The following MACROD2 variants were observed in gnomAD, a reference collection of about 807,000 sequenced individuals.
The protein encoded by MACROD2 is ADP-ribose glycohydrolase MACROD2.
MACROD2 carries 36 observed loss-of-function variants against 70.4 expected under a neutral mutation model. That is an observed-to-expected ratio of 0.51 (90% CI 0.39 to 0.68). The LOEUF (loss-of-function observed/expected upper bound fraction) is 0.68. MACROD2 is among the 30% of genes least tolerant of loss of function. The probability of loss-of-function intolerance (pLI) is 0.00; values close to 1 mark genes in which losing one functional copy is unlikely to be tolerated. For missense variants in MACROD2, 496 were observed against 538.4 expected (o/e 0.92, Z 0.78); for synonymous variants, 172 against 178.8 (o/e 0.96, Z 0.30).
intron 8 of MACROD2, among the ~76,000 whole-genome samples, chr20:15,638,313 A>G (rs1170958111): frequency 1.3e-5 from 2 of 152,216 alleles, no homozygotes; most frequent in Non-Finnish European, 2.9e-5. Flanking sequence ...CTCAATAGAA[A>G]TGGAAACCAG....
intron 6 of MACROD2, among the ~76,000 whole-genome samples, chr20:15,243,141 A>C (rs1406306225): frequency 1.3e-5 from 2 of 152,114 alleles, no homozygotes; most frequent in Admixed American, 6.5e-5. Flanking sequence ...AGTCAAGGGT[A>C]ATTTCTGGAG....
chr20:15,514,140 A>G lies in MACROD2; in HGVS notation c.645+14293A>G, dbSNP rs1268076132. ...ATTACAAGAGTCAAAAGTTTAAAAA[A>G]TAAAAAATACAATAAGTTAAAGTTA... On this transcript the variant is annotated intron_variant, in intron 8 of 17. Coordinates refer to ENST00000684519, the MANE Select transcript of MACROD2 (RefSeq NM_001351661.2). Among the ~76,000 whole-genome samples the G allele has an allele frequency of 4.6e-5, 7 of 152,404 alleles. No individual in the cohort carries two copies. In the East Asian group the frequency reaches 1.3e-3, roughly 29 times the overall value.
At chr20:15,748,915 T>C (rs958890324) in intron 8 of MACROD2, among the ~76,000 whole-genome samples, 1 of 151,394 alleles carries the variant, frequency 6.6e-6, no homozygotes. Flanking sequence ...TTGCCAGCCA[T>C]GTAACTTTGG....
At chr20:15,713,529 G>A (rs893702839) in intron 8 of MACROD2, among the ~76,000 whole-genome samples, 7 of 136,128 alleles carry the variant, frequency 5.1e-5, no homozygotes, top group Admixed American at 7.7e-5. Context: ...TCTTCACCTC[G>A]ATGGCAGGAG....
At chr20:15,766,864 T>C (rs2051536008) in intron 8 of MACROD2, among the ~76,000 whole-genome samples, 1 of 152,242 alleles carries the variant, frequency 6.6e-6, no homozygotes, top group South Asian at 2.1e-4. Flanking sequence ...GCGGGGTCTC[T>C]ATCCTCAACT....
intron 3 of MACROD2, among the ~76,000 whole-genome samples, chr20:14,299,774 T>C (rs1469567740): frequency 6.6e-6 from 1 of 152,174 alleles, no homozygotes; most frequent in African/African-American, 2.4e-5. Context: ...ATAAGATTAC[T>C]TGTGGAATCC....
At position 14,475,239 on chromosome 20, in the gene MACROD2, C is replaced by A. The variant is rs936544039; in HGVS notation, c.272-18240C>A. ...AAAAAGAAAAGAATCACACAAAAAACCCCAGTATACTTTAACTCCATTCCC... is the reference window on the plus strand; with the variant it reads ...AAAAAGAAAAGAATCACACAAAAAAACCCAGTATACTTTAACTCCATTCCC... On this transcript the variant is annotated intron_variant, in intron 3 of 17. Coordinates refer to ENST00000684519, the MANE Select transcript of MACROD2 (RefSeq NM_001351661.2). Among the ~76,000 whole-genome samples the A allele has an allele frequency of 9.2e-5, 14 of 152,004 alleles. 1 individual carries two copies. Among genetic ancestry groups the A allele is most frequent in the Admixed American group, 3.9e-4 (6 of 15,248 alleles).
intron 8 of MACROD2, among the ~76,000 whole-genome samples, chr20:15,557,174 G>A (rs143239527): frequency 8.5e-4 from 128 of 151,456 alleles, no homozygotes; most frequent in Admixed American, 1.8e-3. Context: ...CACATTCAAC[G>A]GGGCACTCCA....
At chr20:14,233,580 C>T (rs2081839477) in intron 3 of MACROD2, among the ~76,000 whole-genome samples, 2 of 150,694 alleles carry the variant, frequency 1.3e-5, no homozygotes, top group Non-Finnish European at 1.5e-5. Flanking sequence ...GCCTGTAGTC[C>T]CAGCTACTCG....
intron 7 of MACROD2, among the ~76,000 whole-genome samples, chr20:15,472,602 C>T (rs1391838861): frequency 1.3e-5 from 2 of 152,136 alleles, no homozygotes; most frequent in Non-Finnish European, 2.9e-5. Context: ...CTTGTTCCCA[C>T]ATGTAATTTG....
intron 5 of MACROD2, among the ~76,000 whole-genome samples, chr20:15,010,697 C>G (rs1165558477): frequency 6.6e-6 from 1 of 152,180 alleles, no homozygotes; most frequent in Non-Finnish European, 1.5e-5. Flanking sequence ...ATTTGTAGCT[C>G]AGCAACACAA....
intron 7 of MACROD2, among the ~76,000 whole-genome samples, chr20:15,433,164 C>T (rs2046384545): frequency 6.6e-6 from 1 of 152,002 alleles, no homozygotes. Context: ...TGCCCATTTT[C>T]ACCACTTGTT....
intron 8 of MACROD2, among the ~76,000 whole-genome samples, chr20:15,559,273 CAT>C (rs1431782401): frequency 6.8e-6 from 1 of 146,378 alleles, no homozygotes; most frequent in Admixed American, 6.8e-5. Flanking sequence ...CTGACTATCA[CAT>C]GTGTGGATGA....
intron 5 of MACROD2, among the ~76,000 whole-genome samples, chr20:15,001,814 A>T (rs1458306548): frequency 6.6e-6 from 1 of 151,966 alleles, no homozygotes; most frequent in African/African-American, 2.4e-5. Context: ...CCCATCACCC[A>T]AGCAGTATAC....
chr20:15,693,546 C>T (rs1292475563), intron 8 of MACROD2, among the ~76,000 whole-genome samples: 2 of 151,950 alleles, frequency 1.3e-5, no homozygotes, highest in African/African-American at 2.4e-5. Context: ...CCTGTGAAGC[C>T]GAGCAGAATC....
chr20:14,390,790 A>G (rs573712717), intron 3 of MACROD2, among the ~76,000 whole-genome samples: 3 of 152,242 alleles, frequency 2.0e-5, no homozygotes, highest in African/African-American at 7.2e-5. Context: ...CAAACAGACA[A>G]CCCCATTAAC....
Position 14,572,538 on chromosome 20 carries a change from G to A in MACROD2, c.301+79030G>A, listed in dbSNP as rs6135184. ...CAATAGTAGAAAAGATAAATAAATT[G>A]AATGAAAATGAATAGTCTCTAACTA... On this transcript the variant is annotated intron_variant, in intron 4 of 17. Coordinates refer to ENST00000684519, the MANE Select transcript of MACROD2 (RefSeq NM_001351661.2). 4.4e-4 allele frequency among the ~76,000 whole-genome samples: 67 copies of A among 152,114 alleles called. 1 individual carries two copies. The East Asian group carries it at 0.011, about 24-fold the overall frequency.
At chr20:14,230,654 T>TATAAAAA in intron 3 of MACROD2, among the ~76,000 whole-genome samples, 2 of 74,240 alleles carry the variant, frequency 2.7e-5, no homozygotes, top group Non-Finnish European at 4.7e-5. Flanking sequence ...TATATATATA[T>TATAAAAA]AACACAGGCT....
intron 8 of MACROD2, among the ~76,000 whole-genome samples, chr20:15,660,889 T>G (rs1174761010): frequency 6.6e-6 from 1 of 152,242 alleles, no homozygotes; most frequent in Non-Finnish European, 1.5e-5. Flanking sequence ...TGTAAATTTT[T>G]TTCACTTTGT....
Sources: allele counts gnomAD v4.1 joint callset (sites outside exome capture counted in the v4.1 genomes callset), GRCh38; gene constraint gnomAD v4.1.1; transcripts MANE v1.5; gene names NCBI Gene and HGNC (gene_info 2026-07-23, HGNC 2026-07-21).